The following CILK1 variants were observed in gnomAD, a reference collection of about 807,000 sequenced individuals.
CILK1 encodes the protein ciliogenesis associated kinase 1.
In CILK1, 47 loss-of-function variants were observed where a neutral mutation model predicts 79.2. That is an observed-to-expected ratio of 0.59 (90% CI 0.47 to 0.76). The LOEUF is 0.76. CILK1 is among the 30% of genes least tolerant of loss of function. CILK1 has a pLI of 0.00. For missense variants in CILK1, 660 were observed against 769.5 expected, an observed-to-expected ratio of 0.86 and a Z score of 1.68; for synonymous variants, 266 against 275.9, an observed-to-expected ratio of 0.96 and a Z score of 0.36.
intron 6 of CILK1, among the ~76,000 whole-genome samples, 163 bp from the exon 7 acceptor site, chr6:53,018,664 G>A (rs1233749739): frequency 6.6e-6 from 1 of 152,238 alleles, no homozygotes; most frequent in Non-Finnish European, 1.5e-5. Flanking sequence ...GTGGGCTGCT[G>A]TTGACAAGTA....
At chr6:53,033,106 G>A (rs1766077080) in intron 3 of CILK1, among the ~76,000 whole-genome samples, 1 of 152,212 alleles carries the variant, frequency 6.6e-6, no homozygotes, top group Non-Finnish European at 1.5e-5. Context: ...TCAAAACGAC[G>A]AAGGGTTGAT....
rs541733959 is a variant in CILK1, at chr6:53,061,730, A to T, written c.-307T>A. On this transcript the variant is annotated 5_prime_UTR_variant, in exon 1 of 14. Coordinates refer to ENST00000676107, the MANE Select transcript of CILK1 (RefSeq NM_014920.5). ...GACCGGCCGAGGGCTCCGTACAGGGACGCCCGCGAGGTCCGGCGAGTCGCA... is the reference window on the plus strand; with the variant it reads ...GACCGGCCGAGGGCTCCGTACAGGGTCGCCCGCGAGGTCCGGCGAGTCGCA... 6.6e-6 allele frequency: 1 copy of T among 152,304 alleles called. No homozygotes were observed. Among genetic ancestry groups the T allele is most frequent in the African/African-American group, 2.4e-5 (1 of 41,552 alleles). The allele number at this position is 152,304 out of a possible 1,614,324, so 9.4% of individuals were successfully genotyped here.
intron 13 of CILK1, among the ~76,000 whole-genome samples, chr6:53,005,574 C>G (rs1349438958): frequency 6.6e-6 from 1 of 152,142 alleles, no homozygotes; most frequent in Admixed American, 6.5e-5. Flanking sequence ...CAAATATTTA[C>G]AGAACCTGGC....
At chr6:53,015,007 C>G (rs1459643107) in intron 8 of CILK1, among the ~76,000 whole-genome samples, 1 of 152,208 alleles carries the variant, frequency 6.6e-6, no homozygotes, top group Non-Finnish European at 1.5e-5. Flanking sequence ...AGCCCTTGAG[C>G]CATCCAAAGT....
chr6:53,026,345 C>T (rs901859225), intron 5 of CILK1, among the ~76,000 whole-genome samples: 5 of 151,996 alleles, frequency 3.3e-5, no homozygotes, highest in East Asian at 1.9e-4. Flanking sequence ...GACGGGGTTT[C>T]GCCATGTTGG....
intron 3 of CILK1, 135 bp from the exon 4 acceptor site, chr6:53,032,789 T>G (rs1766056177): frequency 4.7e-6 from 3 of 631,814 alleles, no homozygotes; most frequent in South Asian, 4.1e-5. Flanking sequence ...AAATTATATT[T>G]TATTGACAGT....
At chr6:53,042,907 T>C (rs1285401580) in intron 1 of CILK1, among the ~76,000 whole-genome samples, 1 of 152,206 alleles carries the variant, frequency 6.6e-6, no homozygotes, top group African/African-American at 2.4e-5. Context: ...GTTTTGATCA[T>C]TGTTCTATGG....
chr6:53,031,218 AT>A, intron 4 of CILK1, 74 bp from the exon 5 acceptor site: 1 of 935,020 alleles, frequency 1.1e-6, no homozygotes, highest in Non-Finnish European at 1.8e-6. Context: ...AAAGAATACC[AT>A]TTGTCCATAC....
chr6:53,044,175 G>T lies in CILK1; in HGVS notation c.-172-2767C>A, dbSNP rs553906391. On this transcript the variant is annotated intron_variant, in intron 1 of 13. Transcript: ENST00000676107. ...AGGGCTGTAAACCAGTCTGTGGCCTGTTAGGAGCTGGGCCACACAGCAGGA... is the reference window on the plus strand; with the variant it reads ...AGGGCTGTAAACCAGTCTGTGGCCTTTTAGGAGCTGGGCCACACAGCAGGA... 4.6e-5 allele frequency among the ~76,000 whole-genome samples: 7 copies of T among 152,326 alleles called. 1 individual carries two copies. The South Asian group carries it at 1.4e-3, about 32-fold the overall frequency.
chr6:53,034,906 C>T (rs552226114), intron 3 of CILK1, among the ~76,000 whole-genome samples: 6 of 152,076 alleles, frequency 3.9e-5, no homozygotes, highest in East Asian at 1.9e-4. Context: ...TGGGAGGGAG[C>T]GGGCATGTCA....
chr6:53,006,896 C>T (rs182759609), intron 12 of CILK1, among the ~76,000 whole-genome samples: 172 of 152,246 alleles, frequency 1.1e-3, no homozygotes, highest in Non-Finnish European at 1.4e-3. Context: ...AATTATTTAG[C>T]TGTGACAAGT....
rs1202396426 is a variant in CILK1, at chr6:53,031,113, T to C, written c.310A>G (p.Asn104Asp). 1 of 1,610,504 alleles carries C rather than the reference T, an allele frequency of 6.2e-7. No homozygotes were observed. Among genetic ancestry groups the C allele is most frequent in the African/African-American group, 1.3e-5 (1 of 74,974 alleles). Residue 104 changes from asparagine (N) to aspartate (D), a missense_variant, in exon 5 of 14, where the codon AAT becomes GAT. Asn to Asp is a conservative substitution (Grantham distance 23, BLOSUM62 1). Transcript: ENST00000676107. ...NKLFPESAIR[N>D]IMYQILQGLA... ...CCTTGTAATATCTGATACATGATAT[T>C]CCTTATAGCAGACTCAGGAAACAAC...
In CILK1 at chr6:53,041,247, C is replaced by G; in HGVS notation, c.-11G>C. 6.3e-7 allele frequency: 1 copy of G among 1,599,364 alleles called. No individual in the cohort carries two copies. The highest frequency in any genetic ancestry group is 8.6e-7 in the Non-Finnish European group (1 of 1,167,454). ...TGTGTATCTATTCATGGTGTGCCTG[C>G]TCAGGCCGGACACTCATCTCACGGC... On this transcript the variant is annotated 5_prime_UTR_variant, in exon 2 of 14. Transcript: ENST00000676107.
Position 53,032,466 on chromosome 6 carries a change from G to A in CILK1, c.278+67C>T, listed in dbSNP as rs73443355. ...AAAAGGAGAGAAAGAAAACACAAAA[G>A]CAGAAAGAAAACACATCTGCTTTGC... is the stretch of plus-strand genomic sequence containing the variant. On this transcript the variant is annotated intron_variant, in intron 4 of 13. Transcript: ENST00000676107. The A allele has an allele frequency of 3.7e-6, 4 of 1,081,046 alleles. No individual in the cohort carries two copies. In the Admixed American group the frequency reaches 1.2e-4, roughly 33 times the overall value. 67.0% of individuals were successfully genotyped at this position (1,081,046 alleles called of 1,614,324 possible).
chr6:53,044,266 C>G (rs1581750431), intron 1 of CILK1, among the ~76,000 whole-genome samples: 1 of 152,062 alleles, frequency 6.6e-6, no homozygotes, highest in Non-Finnish European at 1.5e-5. Flanking sequence ...GCAGCGGCGG[C>G]ATTAGATTCT....
intron 1 of CILK1, among the ~76,000 whole-genome samples, chr6:53,053,723 A>G (rs1767646549): frequency 6.6e-6 from 1 of 152,230 alleles, no homozygotes; most frequent in South Asian, 2.1e-4. Context: ...AATGAATGAT[A>G]TGGCTATGTT....
rs118203918 is a variant in CILK1, at chr6:53,016,099, C to T, written c.815G>A (p.Arg272Gln). 4 of 1,613,830 alleles carry T rather than the reference C, an allele frequency of 2.5e-6. No individual in the cohort carries two copies. The highest frequency in any genetic ancestry group is 3.4e-6 in the Non-Finnish European group (4 of 1,179,908). Residue 272 changes from arginine to glutamine, a missense_variant, in exon 8 of 14, where the codon CGA (arginine) becomes CAA (glutamine). Physicochemically the swap from Arg to Gln is conservative, Grantham distance 43. Transcript: ENST00000676107. ...GAAGAAAACCTGACTAGCTGTTGGT[C>T]GTTTCTTGGGATCCCACTGAAGCAT... ...RDMLQWDPKK[R>Q]PTASQALRYP...
chr6:53,018,627 T>C, intron 6 of CILK1, 126 bp from the exon 7 acceptor site: 1 of 966,520 alleles, frequency 1.0e-6, no homozygotes, highest in East Asian at 2.6e-5. Context: ...TGTGGTGTAA[T>C]GGAATTGTGA....
chr6:53,005,736 A>AT (rs933726050), intron 13 of CILK1, among the ~76,000 whole-genome samples: 7 of 152,168 alleles, frequency 4.6e-5, no homozygotes, highest in Non-Finnish European at 1.0e-4. Context: ...GAGCCTGTGG[A>AT]GATGGCTGTC....
Sources: gnomAD v4.1 joint callset for allele counts (sites outside exome capture counted in the v4.1 genomes callset) on GRCh38, gnomAD v4.1.1 for gene constraint, MANE v1.5 for transcripts, NCBI Gene and HGNC (gene_info 2026-07-23, HGNC 2026-07-21) for gene names.